Variants in ZFP1 observed in about 807,000 individuals in gnomAD.
ZFP1 encodes ZFP1 zinc finger protein, also known as zinc finger protein 1 homolog.
In ZFP1, 32 loss-of-function variants were observed where a neutral mutation model predicts 38.5. The ratio of observed to expected loss-of-function variants is 0.83; its 90% CI spans 0.63 to 1.12. The LOEUF is 1.12. Among genes scored for constraint, ZFP1 ranks in the 50% most tolerant of loss-of-function variants. The pLI, the probability that ZFP1 is intolerant of heterozygous loss-of-function variation, is 0.00. For missense variants in ZFP1, 616 were observed against 480.8 expected (o/e 1.28, Z -2.63); for synonymous variants, 245 against 168.8 (o/e 1.45, Z -3.50).
At chr16:75,166,204 G>T (rs1054539600) in intron 2 of ZFP1, among the ~76,000 whole-genome samples, 2 of 152,152 alleles carry the variant, frequency 1.3e-5, no homozygotes, top group Non-Finnish European at 2.9e-5. Context: ...TATCTAATGT[G>T]CTTGTCTCAC....
the ZFP1 span, among the ~76,000 whole-genome samples, chr16:75,138,092 AGTG>A: frequency 1.7e-5 from 2 of 116,654 alleles, no homozygotes; most frequent in African/African-American, 6.9e-5. Flanking sequence ...GCTGGAGTGC[AGTG>A]GTGTGATCTT....
chr16:75,120,249 G>A, the ZFP1 span, among the ~76,000 whole-genome samples: 2 of 152,102 alleles, frequency 1.3e-5, no homozygotes, highest in African/African-American at 2.4e-5. Context: ...TTGAGCGAAA[G>A]TTTTTTTCTT....
chr16:75,149,463 G>C (rs987501396), intron 1 of ZFP1, among the ~76,000 whole-genome samples: 6 of 151,902 alleles, frequency 3.9e-5, no homozygotes, highest in Non-Finnish European at 7.4e-5. Context: ...CTGCGTAACA[G>C]TGTTTCTGTC....
the ZFP1 span, among the ~76,000 whole-genome samples, chr16:75,121,358 C>T: frequency 1.3e-5 from 2 of 152,044 alleles, no homozygotes; most frequent in Non-Finnish European, 2.9e-5. Flanking sequence ...ATCTCCTGAC[C>T]TTGTGATCCG....
At chr16:75,138,515 C>T in the ZFP1 span, among the ~76,000 whole-genome samples, 4 of 152,332 alleles carry the variant, frequency 2.6e-5, no homozygotes, top group East Asian at 1.9e-4. Context: ...GGTCGAATCA[C>T]GTCCTCCCAA....
the ZFP1 span, among the ~76,000 whole-genome samples, chr16:75,124,435 C>T: frequency 6.7e-6 from 1 of 149,426 alleles, no homozygotes; most frequent in South Asian, 2.2e-4. Flanking sequence ...GCTGGGATTA[C>T]AGGCGTGAGC....
At chr16:75,121,360 T>C in the ZFP1 span, among the ~76,000 whole-genome samples, 13 of 151,886 alleles carry the variant, frequency 8.6e-5, no homozygotes, top group South Asian at 4.2e-4. Context: ...CTCCTGACCT[T>C]GTGATCCGCC....
chr16:75,165,852 G>A (rs190520000), intron 2 of ZFP1, among the ~76,000 whole-genome samples: 3 of 152,108 alleles, frequency 2.0e-5, no homozygotes, highest in Admixed American at 2.0e-4. Context: ...TGGGACTCCT[G>A]CTGCAAGTAT....
intron 2 of ZFP1, among the ~76,000 whole-genome samples, chr16:75,162,028 G>A (rs1011630858): frequency 5.3e-5 from 8 of 150,612 alleles, no homozygotes; most frequent in African/African-American, 1.7e-4. Context: ...CATGTGATCC[G>A]CCTACCTCGG....
upstream of ZFP1, among the ~76,000 whole-genome samples, chr16:75,146,611 G>T (rs2036948264): frequency 6.6e-6 from 1 of 152,102 alleles, no homozygotes; most frequent in South Asian, 2.1e-4. Flanking sequence ...TTAAAACACT[G>T]GTACATGCAG....
At chr16:75,141,815 C>T in the ZFP1 span, among the ~76,000 whole-genome samples, 1 of 151,418 alleles carries the variant, frequency 6.6e-6, no homozygotes, top group Non-Finnish European at 1.5e-5. Flanking sequence ...CTTTGGGAGA[C>T]TGAGGCGAGT....
At chr16:75,136,730 C>G in the ZFP1 span, among the ~76,000 whole-genome samples, 1 of 151,776 alleles carries the variant, frequency 6.6e-6, no homozygotes, top group Non-Finnish European at 1.5e-5. Flanking sequence ...ATTAGCCAGC[C>G]GTGATGGTGT....
intron 1 of ZFP1, among the ~76,000 whole-genome samples, chr16:75,151,961 A>T (rs988447901): frequency 2.0e-5 from 3 of 152,160 alleles, no homozygotes; most frequent in African/African-American, 7.2e-5. Flanking sequence ...CTGGGTATAG[A>T]ATTCTGAGTT....
intron 2 of ZFP1, among the ~76,000 whole-genome samples, chr16:75,163,294 G>A (rs1597070594): frequency 6.6e-6 from 1 of 151,260 alleles, no homozygotes; most frequent in Non-Finnish European, 1.5e-5. Flanking sequence ...AGCGTGCATT[G>A]TTGTTTTTTT....
chr16:75,169,371 A>C lies in ZFP1; in HGVS notation c.261A>C (p.Gly87=), dbSNP rs117042670. Residue 87 remains glycine, a synonymous_variant, in exon 4 of 4, where the codon GGA becomes GGC. Transcript: ENST00000570010. ...TTGAGGAAAGAGGCGATCTCTTTGG[A>C]AAAGCACTTAATCTGAACACAGACT... ...TPIEERGDLF[G]KALNLNTDFV... 3,772 of 1,614,176 alleles carry C rather than the reference A, an allele frequency of 2.3e-3. 141 individuals carry two copies. In the East Asian group the frequency reaches 0.076, roughly 32 times the overall value.
the ZFP1 span, among the ~76,000 whole-genome samples, chr16:75,126,753 A>C: frequency 1.3e-5 from 2 of 152,338 alleles, no homozygotes; most frequent in African/African-American, 4.8e-5. Flanking sequence ...TGTAATATCA[A>C]GTGTTTTATA....
At chr16:75,124,607 C>A in the ZFP1 span, among the ~76,000 whole-genome samples, 2 of 149,958 alleles carry the variant, frequency 1.3e-5, no homozygotes, top group Non-Finnish European at 1.5e-5. Context: ...CACGGTGAAA[C>A]CCCATCTCTA....
At chr16:75,124,024 G>A in the ZFP1 span, among the ~76,000 whole-genome samples, 1 of 151,756 alleles carries the variant, frequency 6.6e-6, no homozygotes, top group Non-Finnish European at 1.5e-5. Context: ...AACCCAGGAA[G>A]CAGAGGTTGC....
At chr16:75,154,249 C>T (rs796111770) in intron 2 of ZFP1, among the ~76,000 whole-genome samples, 24 of 152,022 alleles carry the variant, frequency 1.6e-4, no homozygotes, top group African/African-American at 5.8e-4. Context: ...GAAGGTTCCT[C>T]CAAGTCTTTT....
Sources: gnomAD v4.1 joint callset for allele counts (sites outside exome capture counted in the v4.1 genomes callset) on GRCh38, gnomAD v4.1.1 for gene constraint, MANE v1.5 for transcripts, NCBI Gene and HGNC (gene_info 2026-07-23, HGNC 2026-07-21) for gene names.